Variants in MRPL42 observed in about 807,000 individuals in gnomAD.
MRPL42 encodes the protein large ribosomal subunit protein mL42.
A neutral mutation model predicts 17.9 loss-of-function variants in MRPL42; 17 were observed. The observed-to-expected ratio is 0.95, with a 90% CI of 0.65 to 1.42. MRPL42 has a LOEUF of 1.42. Ranked by LOEUF, MRPL42 falls within the 40% of genes most tolerant of loss-of-function variation. MRPL42 has a pLI of 0.00. For synonymous variants in MRPL42, 59 were observed against 54.4 expected, an observed-to-expected ratio of 1.08 and a Z score of -0.37; for missense variants, 177 against 175.2, an observed-to-expected ratio of 1.01 and a Z score of -0.06.
rs574547255 is a variant in MRPL42 at position 93,476,786 on chromosome 12, T to C, written c.71-168T>C. Among the ~76,000 whole-genome samples the C allele has an allele frequency of 3.9e-5, 6 of 152,340 alleles. No individual in the cohort carries two copies. In the South Asian group the frequency reaches 1.2e-3, roughly 32 times the overall value. Reference sequence around the variant, plus strand: ...TCTCTCACAAGCAGACTATACCCTTTTGAGGGTAGGGACTGAGTCTTGTTT... The same window carrying C: ...TCTCTCACAAGCAGACTATACCCTTCTGAGGGTAGGGACTGAGTCTTGTTT... On this transcript the variant is annotated intron_variant, in intron 2 of 5. Coordinates refer to ENST00000549982, the MANE Select transcript of MRPL42 (RefSeq NM_014050.4).
At chr12:93,489,776 T>C (rs980231692) in intron 5 of MRPL42, among the ~76,000 whole-genome samples, 6 of 151,910 alleles carry the variant, frequency 3.9e-5, no homozygotes, top group Non-Finnish European at 8.8e-5. Context: ...CCTCAGGTGA[T>C]CTGCCCCACT....
At position 93,515,966 on chromosome 12, in the gene MRPL42, T is replaced by C. The variant is rs867020758; in HGVS notation, c.*14745T>C. On this transcript the variant is annotated 3_prime_UTR_variant, in exon 6 of 6. Transcript: ENST00000549982. ...CAGCTAAAATGAGCAACTGCTACTT[T>C]ACCAGTGACAGCTTTGTCCCAGCTC... is the stretch of plus-strand genomic sequence containing the variant. 12 of 152,360 alleles carry C rather than the reference T, an allele frequency of 7.9e-5. No individual in the cohort carries two copies. Among genetic ancestry groups the C allele is most frequent in the African/African-American group, 1.2e-4 (5 of 41,592 alleles). The allele number at this position is 152,360 out of a possible 1,614,324, so 9.4% of individuals were successfully genotyped here.
Position 93,489,552 on chromosome 12 carries a change from G to T in MRPL42, c.383+1892G>T, listed in dbSNP as rs1480874077. On this transcript the variant is annotated intron_variant, in intron 5 of 5. Coordinates refer to ENST00000549982, the MANE Select transcript of MRPL42 (RefSeq NM_014050.4). ...ATTTTATTTTATTTATTTATTTATTGAGACATAGTCTTGCTCTGTCACCTA... is the reference window on the plus strand; with the variant it reads ...ATTTTATTTTATTTATTTATTTATTTAGACATAGTCTTGCTCTGTCACCTA... 3.3e-5 allele frequency among the ~76,000 whole-genome samples: 5 copies of T among 150,334 alleles called. No homozygotes were observed. The East Asian group carries it at 9.7e-4, about 29-fold the overall frequency.
At chr12:93,471,326 G>T (rs1357409661) in intron 2 of MRPL42, among the ~76,000 whole-genome samples, 1 of 152,066 alleles carries the variant, frequency 6.6e-6, no homozygotes, top group East Asian at 1.9e-4. Context: ...ACCAGGCCTG[G>T]TTAATATTTG....
At chr12:93,494,102 G>T (rs1481104717) in intron 5 of MRPL42, among the ~76,000 whole-genome samples, 1 of 147,908 alleles carries the variant, frequency 6.8e-6, no homozygotes, top group Admixed American at 6.8e-5. Flanking sequence ...AGACAGTAGG[G>T]CATGAGAGCA....
At position 93,482,199 on chromosome 12, in the gene MRPL42, T is replaced by C. The variant is rs138311317; in HGVS notation, c.219+2727T>C. On this transcript the variant is annotated intron_variant, in intron 4 of 5. Transcript: ENST00000549982. ...CTGCTTCCGTTGCCTGGAATGCTTT[T>C]ACTTCATAGTTTACTCTCTTTCCTT... Among the ~76,000 whole-genome samples, 59 of 152,358 alleles carry C rather than the reference T, an allele frequency of 3.9e-4. No homozygotes were observed. In the East Asian group the frequency reaches 0.011, roughly 28 times the overall value.
intron 4 of MRPL42, among the ~76,000 whole-genome samples, chr12:93,480,623 C>T (rs1880413712): frequency 6.6e-6 from 1 of 151,506 alleles, no homozygotes; most frequent in South Asian, 2.1e-4. Flanking sequence ...CTCACAGCAG[C>T]CTCTGCCTCC....
intron 4 of MRPL42, among the ~76,000 whole-genome samples, chr12:93,485,237 A>G (rs1880687232): frequency 7.0e-6 from 1 of 142,682 alleles, no homozygotes; most frequent in African/African-American, 2.6e-5. Context: ...ATCTTGGCTC[A>G]CTGCAGCCTC....
chr12:93,479,366 T>G (rs765667489), intron 3 of MRPL42, 22 bp from the exon 4 acceptor site: 8 of 1,575,714 alleles, frequency 5.1e-6, no homozygotes, highest in Non-Finnish European at 6.9e-6. Flanking sequence ...TAACTTTATT[T>G]CTAAAACATT....
Position 93,509,588 on chromosome 12 carries a change from A to G in MRPL42, c.*8367A>G, listed in dbSNP as rs961588404. 3 of 152,044 alleles carry G rather than the reference A, an allele frequency of 2.0e-5. No homozygotes were observed. Among genetic ancestry groups the G allele is most frequent in the Non-Finnish European group, 2.9e-5 (2 of 68,016 alleles). 9.4% of individuals were successfully genotyped at this position (152,044 alleles called of 1,614,324 possible). A position where few individuals can be genotyped will look rare whatever the true frequency, so the allele number is the denominator to read the frequency against. On this transcript the variant is annotated 3_prime_UTR_variant, in exon 6 of 6. Transcript: ENST00000549982. ...TTCTGGGTTGTAGTGAGCTATGTCA[A>G]TCAGGTGTTTGCACTAAGTTCAGCA...
At chr12:93,484,064 G>A (rs1429299311) in intron 4 of MRPL42, among the ~76,000 whole-genome samples, 4 of 152,052 alleles carry the variant, frequency 2.6e-5, no homozygotes, top group Admixed American at 2.6e-4. Flanking sequence ...CATGCCTGGA[G>A]CTGTCATCTC....
intron 3 of MRPL42, among the ~76,000 whole-genome samples, chr12:93,478,848 T>C (rs530952016): frequency 6.6e-6 from 1 of 152,146 alleles, no homozygotes; most frequent in Non-Finnish European, 1.5e-5. Flanking sequence ...TCCTGTGTTA[T>C]GGGTACCAGG....
rs933798518 is a variant in MRPL42, at chr12:93,510,789, A to G, written c.*9568A>G. 6.6e-6 allele frequency: 1 copy of G among 152,216 alleles called. No individual in the cohort carries two copies. 9.4% of individuals were successfully genotyped at this position (152,216 alleles called of 1,614,324 possible). On this transcript the variant is annotated 3_prime_UTR_variant, in exon 6 of 6. Transcript: ENST00000549982. The stretch of plus-strand genomic sequence containing the variant: ...ATTTTTTCTTCTTATGATTGAAGTT[A>G]TAATATTTCTTTAAATATTTTGGAT...
intron 2 of MRPL42, among the ~76,000 whole-genome samples, chr12:93,475,514 A>G (rs569560119): frequency 2.0e-5 from 3 of 152,306 alleles, no homozygotes; most frequent in South Asian, 4.1e-4. Context: ...AAGGCAGGAT[A>G]GGTTACAGTT....
rs1953693123 is a variant in MRPL42, at chr12:93,508,373, G to C, written c.*7152G>C. 1 of 152,812 alleles carries C rather than the reference G, an allele frequency of 6.5e-6. No individual in the cohort carries two copies. Among genetic ancestry groups the C allele is most frequent in the South Asian group, 2.1e-4 (1 of 4,840 alleles). The allele number at this position is 152,812 out of a possible 1,614,324, so 9.5% of individuals were successfully genotyped here. A position where few individuals can be genotyped will look rare whatever the true frequency, so the allele number is the denominator to read the frequency against. ...TTGAGCCCATGAGATTGAGGCTGTA[G>C]TGAGCCATGATTGTGCCACTGCACT... On this transcript the variant is annotated 3_prime_UTR_variant, in exon 6 of 6. Coordinates refer to ENST00000549982, the MANE Select transcript of MRPL42 (RefSeq NM_014050.4).
At chr12:93,500,858 G>C (rs1413425407) in intron 5 of MRPL42, 1 of 189,762 alleles carries the variant, frequency 5.3e-6, no homozygotes, top group East Asian at 1.4e-4. Flanking sequence ...ACTAGGCAGG[G>C]TAAGGTAGGA....
At chr12:93,476,926 T>C (rs780337499) in intron 2 of MRPL42, 28 bp from the exon 3 acceptor site, 1 of 1,572,192 alleles carries the variant, frequency 6.4e-7, no homozygotes, top group East Asian at 2.2e-5. Flanking sequence ...ATTAACCAAA[T>C]CTGTTTTACT....
chr12:93,494,347 C>G (rs916508090), intron 5 of MRPL42, among the ~76,000 whole-genome samples: 9 of 152,166 alleles, frequency 5.9e-5, no homozygotes, highest in Admixed American at 2.0e-4. Context: ...ATGATTTGGA[C>G]TAGGATAGCG....
intron 4 of MRPL42, among the ~76,000 whole-genome samples, chr12:93,485,011 T>TATATACAC (rs1880665594): frequency 4.7e-5 from 3 of 63,522 alleles, no homozygotes; most frequent in Non-Finnish European, 1.1e-4. Flanking sequence ...TATATATATA[T>TATATACAC]ATATATATAT....
Sources: gnomAD v4.1 joint callset for allele counts (sites outside exome capture counted in the v4.1 genomes callset) on GRCh38, gnomAD v4.1.1 for gene constraint, MANE v1.5 for transcripts, NCBI Gene and HGNC (gene_info 2026-07-23, HGNC 2026-07-21) for gene names.